NFU1: variants seen among roughly 807,000 people sequenced by gnomAD.
NFU1 encodes NFU1 iron-sulfur cluster scaffold homolog, mitochondrial.
A neutral mutation model predicts 32.2 loss-of-function variants in NFU1; 30 were observed. The observed-to-expected ratio is 0.93, with a 90% CI of 0.70 to 1.26. The LOEUF (loss-of-function observed/expected upper bound fraction) is 1.26, where lower values mean the gene tolerates loss of function less well. NFU1 is among the 50% of genes most tolerant of loss of function. The pLI, the probability that NFU1 is intolerant of heterozygous loss-of-function variation, is 0.00. For synonymous variants in NFU1, 112 were observed against 104.6 expected (o/e 1.07, Z -0.43); for missense variants, 306 against 306.6 (o/e 1.00, Z 0.02).
chr2:69,436,036 G>A (rs1156723647), intron 1 of NFU1, among the ~76,000 whole-genome samples: 2 of 151,238 alleles, frequency 1.3e-5, no homozygotes, highest in African/African-American at 2.4e-5. Context: ...GAGCCACCAC[G>A]CCCGGCACAC....
chr2:69,427,499 G>T (rs2104804289), intron 2 of NFU1, among the ~76,000 whole-genome samples: 1 of 151,978 alleles, frequency 6.6e-6, no homozygotes, highest in South Asian at 2.1e-4. Flanking sequence ...AGCCAACATG[G>T]TGAAAACCCA....
chr2:69,431,624 G>C (rs1673640941), intron 2 of NFU1, among the ~76,000 whole-genome samples: 1 of 152,076 alleles, frequency 6.6e-6, no homozygotes, highest in East Asian at 1.9e-4. Context: ...AACTTCTACA[G>C]TATTTTCATT....
At chr2:69,433,833 G>T (rs971107047) in intron 1 of NFU1, among the ~76,000 whole-genome samples, 1 of 152,018 alleles carries the variant, frequency 6.6e-6, no homozygotes, top group Non-Finnish European at 1.5e-5. Flanking sequence ...GAGTACAATG[G>T]TGTGATCAGG....
chr2:69,405,967 A>G, intron 6 of NFU1, 55 bp downstream of exon 6: 1 of 1,097,630 alleles, frequency 9.1e-7, no homozygotes, highest in South Asian at 1.2e-5. Flanking sequence ...CTATATTGCT[A>G]TAATGAAAAA....
chr2:69,397,159 T>A (rs1672366580), intron 7 of NFU1, among the ~76,000 whole-genome samples: 1 of 152,170 alleles, frequency 6.6e-6, no homozygotes, highest in Non-Finnish European at 1.5e-5. Flanking sequence ...CCATCTTATT[T>A]ACTTAAATAT....
intron 4 of NFU1, among the ~76,000 whole-genome samples, chr2:69,419,173 G>C (rs1673156408): frequency 6.7e-6 from 1 of 149,876 alleles, no homozygotes; most frequent in Non-Finnish European, 1.5e-5. Flanking sequence ...AATTAGCTGG[G>C]CATGGTGGCA....
chr2:69,424,635 A>T (rs905677994), intron 2 of NFU1, among the ~76,000 whole-genome samples: 1 of 152,110 alleles, frequency 6.6e-6, no homozygotes, highest in Non-Finnish European at 1.5e-5. Context: ...GATTCCAGAA[A>T]TAGTAAACAC....
At chr2:69,404,516 G>A (rs1167065980) in intron 6 of NFU1, among the ~76,000 whole-genome samples, 2 of 150,416 alleles carry the variant, frequency 1.3e-5, no homozygotes, top group Admixed American at 1.3e-4. Context: ...ATACACCATG[G>A]AATGGCTAAA....
At chr2:69,438,933 C>T (rs754317838), upstream of NFU1, among the ~76,000 whole-genome samples, 114 of 137,092 alleles carry the variant, frequency 8.3e-4, 2 homozygotes, top group Non-Finnish European at 1.2e-3. Flanking sequence ...CATTCTAGAC[C>T]GCAAGGCAGT....
At chr2:69,432,112 C>A in intron 1 of NFU1, 107 bp from the exon 2 acceptor site, 1 of 718,940 alleles carries the variant, frequency 1.4e-6, no homozygotes, top group Non-Finnish European at 2.4e-6. Context: ...TTAAACATAA[C>A]CCGCAATAGA....
intron 2 of NFU1, among the ~76,000 whole-genome samples, chr2:69,425,413 G>C (rs2104798494): frequency 6.6e-6 from 1 of 150,790 alleles, no homozygotes; most frequent in East Asian, 2.0e-4. Flanking sequence ...AGAGTGAAGT[G>C]GCACAATCGT....
chr2:69,411,315 C>T (rs1287276252), intron 5 of NFU1, among the ~76,000 whole-genome samples: 1 of 152,114 alleles, frequency 6.6e-6, no homozygotes, highest in African/African-American at 2.4e-5. Flanking sequence ...ACAACAAATA[C>T]AACAGTATCA....
chr2:69,438,558 T>C (rs1304117380), upstream of NFU1, among the ~76,000 whole-genome samples: 2 of 152,154 alleles, frequency 1.3e-5, no homozygotes, highest in Non-Finnish European at 2.9e-5. Flanking sequence ...TCACCCTGCC[T>C]AGTAGTGTTT....
At chr2:69,423,780 G>A in intron 2 of NFU1, 63 bp from the exon 3 acceptor site, 1 of 1,215,808 alleles carries the variant, frequency 8.2e-7, no homozygotes, top group African/African-American at 1.5e-5. Flanking sequence ...TATGGACTAT[G>A]AAGTGCTCAT....
chr2:69,437,317 A>G (rs1370411420), intron 1 of NFU1, 44 bp downstream of exon 1: 3 of 1,584,612 alleles, frequency 1.9e-6, no homozygotes, highest in Non-Finnish European at 2.6e-6. Flanking sequence ...CCGCTGGCTA[A>G]GCCCAGCGGC....
chr2:69,439,537 A>G (rs139803660), upstream of NFU1, among the ~76,000 whole-genome samples: 992 of 152,348 alleles, frequency 6.5e-3, 9 homozygotes, highest in African/African-American at 0.022. Flanking sequence ...CAAAGCTTTC[A>G]TAACATGGAA....
At chr2:69,411,952 C>T (rs888571410) in intron 5 of NFU1, among the ~76,000 whole-genome samples, 4 of 152,044 alleles carry the variant, frequency 2.6e-5, no homozygotes, top group Non-Finnish European at 4.4e-5. Flanking sequence ...GGCCAGGTGG[C>T]GGTGGTTCAT....
At chr2:69,437,047 A>T (rs1308323490) in intron 1 of NFU1, among the ~76,000 whole-genome samples, 1 of 152,232 alleles carries the variant, frequency 6.6e-6, no homozygotes, top group Non-Finnish European at 1.5e-5. Flanking sequence ...GGAGAGGCAC[A>T]CGATTTTAAA....
intron 6 of NFU1, among the ~76,000 whole-genome samples, chr2:69,403,130 A>G (rs1009044153): frequency 6.7e-6 from 1 of 150,338 alleles, no homozygotes; most frequent in Non-Finnish European, 1.5e-5. Flanking sequence ...GCAATCTGCC[A>G]CCTTGGCCTC....
Sources: gnomAD v4.1 joint callset for allele counts (sites outside exome capture counted in the v4.1 genomes callset) on GRCh38, gnomAD v4.1.1 for gene constraint, MANE v1.5 for transcripts, NCBI Gene and HGNC (gene_info 2026-07-23, HGNC 2026-07-21) for gene names.